Variants in TUSC3 observed in about 807,000 individuals in gnomAD.
TUSC3 encodes the protein dolichyl-diphosphooligosaccharide--protein glycosyltransferase subunit TUSC3.
In TUSC3, 45 loss-of-function variants were observed where a neutral mutation model predicts 44.8. That is an observed-to-expected ratio of 1.00 (90% CI 0.79 to 1.29). The LOEUF (loss-of-function observed/expected upper bound fraction) is 1.29, where lower values mean the gene tolerates loss of function less well. Among genes scored for constraint, TUSC3 ranks in the 50% most tolerant of loss-of-function variants. The pLI is 0.00. For missense variants in TUSC3, 519 were observed against 437.9 expected (o/e 1.19, Z -1.65); for synonymous variants, 212 against 152.9 (o/e 1.39, Z -2.85).
chr8:15,534,735 C>T (rs772665000), intron 2 of TUSC3, among the ~76,000 whole-genome samples: 1 of 151,684 alleles, frequency 6.6e-6, no homozygotes, highest in Non-Finnish European at 1.5e-5. Flanking sequence ...CCTCCAGAAT[C>T]ACAGCAGATT....
chr8:15,639,501 G>C, intron 2 of TUSC3, among the ~76,000 whole-genome samples: 1 of 152,220 alleles, frequency 6.6e-6, no homozygotes, highest in South Asian at 2.1e-4. Context: ...ATTTATATAG[G>C]TTATAACTGA....
intron 1 of TUSC3, among the ~76,000 whole-genome samples, chr8:15,426,300 A>G (rs1046259881): frequency 6.6e-6 from 1 of 152,184 alleles, no homozygotes; most frequent in African/African-American, 2.4e-5. Context: ...TTGAAGTCCA[A>G]AATACCATAT....
Position 15,555,276 on chromosome 8 carries a change from ATTTTTTTTTTT to A in TUSC3, c.138+14733_138+14743del, listed in dbSNP as rs35757466. 3.1e-3 allele frequency among the ~76,000 whole-genome samples: 138 copies of A among 44,890 alleles called. 1 individual carries two copies. Among genetic ancestry groups the A allele is most frequent in the Middle Eastern group, 0.022 (1 of 46 alleles). The allele number at this position is 44,890 out of a possible 152,430, so 29.4% of individuals were successfully genotyped here. On this transcript the variant is annotated intron_variant, in intron 1 of 10. Transcript: ENST00000503731. ...GTTCATGTGCCACCATGCCAGGCTA[ATTTTTTTTTTT>A]TTTTTTTTTTTTTTTTTTTTTTTTA... is the stretch of plus-strand genomic sequence containing the variant.
chr8:15,583,419 A>G (rs1428936532), intron 1 of TUSC3, among the ~76,000 whole-genome samples: 1 of 152,204 alleles, frequency 6.6e-6, no homozygotes, highest in Non-Finnish European at 1.5e-5. Flanking sequence ...ATCCTGCTAC[A>G]TGAGGATTAC....
intron 6 of TUSC3, among the ~76,000 whole-genome samples, chr8:15,707,702 T>C (rs748754941): frequency 6.6e-6 from 1 of 151,984 alleles, no homozygotes; most frequent in Non-Finnish European, 1.5e-5. Flanking sequence ...GATGTTTACA[T>C]TGAAGTGGGA....
At chr8:15,758,156 A>T in intron 10 of TUSC3, 1 of 1,100,838 alleles carries the variant, frequency 9.1e-7, no homozygotes, top group South Asian at 3.4e-5. Context: ...ACTTAGGGAA[A>T]AAAGGCAGTC....
chr8:15,480,519 A>C (rs1009015613), intron 1 of TUSC3, among the ~76,000 whole-genome samples: 1 of 152,224 alleles, frequency 6.6e-6, no homozygotes, highest in African/African-American at 2.4e-5. Flanking sequence ...TGTTAATAGC[A>C]GGAACTCTTG....
At chr8:15,694,404 C>T (rs2129191920) in intron 6 of TUSC3, among the ~76,000 whole-genome samples, 1 of 141,870 alleles carries the variant, frequency 7.0e-6, no homozygotes, top group African/African-American at 2.7e-5. Flanking sequence ...CCATTGCACT[C>T]CAGCGTGAGC....
the TUSC3 span, among the ~76,000 whole-genome samples, chr8:15,809,107 G>C: frequency 6.6e-6 from 1 of 152,170 alleles, no homozygotes; most frequent in Non-Finnish European, 1.5e-5. Flanking sequence ...TCATGCTAAA[G>C]TACCATCTTA....
At chr8:15,626,724 C>G (rs1267631431) in intron 2 of TUSC3, among the ~76,000 whole-genome samples, 1 of 152,220 alleles carries the variant, frequency 6.6e-6, no homozygotes, top group Non-Finnish European at 1.5e-5. Context: ...ACTGTTGGAG[C>G]TTGGCCAGGT....
chr8:15,736,419 G>A (rs977350251), intron 7 of TUSC3, among the ~76,000 whole-genome samples: 5 of 152,114 alleles, frequency 3.3e-5, no homozygotes, highest in African/African-American at 1.2e-4. Flanking sequence ...ATATAAAATT[G>A]TGTTTAAAAC....
chr8:15,426,625 C>T (rs1365534263), intron 1 of TUSC3, among the ~76,000 whole-genome samples: 1 of 152,078 alleles, frequency 6.6e-6, no homozygotes, highest in East Asian at 1.9e-4. Flanking sequence ...ATGTTATTTC[C>T]CCATTCTTCT....
intron 1 of TUSC3, among the ~76,000 whole-genome samples, chr8:15,420,848 A>G (rs912175464): frequency 6.6e-6 from 1 of 151,986 alleles, no homozygotes; most frequent in Non-Finnish European, 1.5e-5. Context: ...TCAGTCTTTT[A>G]TGTTGATTCG....
At chr8:15,507,327 T>C (rs1801070307) in intron 2 of TUSC3, among the ~76,000 whole-genome samples, 1 of 151,598 alleles carries the variant, frequency 6.6e-6, no homozygotes, top group Non-Finnish European at 1.5e-5. Context: ...AAGTTACTTA[T>C]TATTATTTTT....
chr8:15,684,757 G>A (rs1563171303), intron 6 of TUSC3, among the ~76,000 whole-genome samples: 2 of 152,158 alleles, frequency 1.3e-5, no homozygotes, highest in Non-Finnish European at 2.9e-5. Flanking sequence ...CCTGGGTGGT[G>A]TGGTCAAGTC....
the TUSC3 span, among the ~76,000 whole-genome samples, chr8:15,852,033 G>C: frequency 1.3e-5 from 2 of 152,080 alleles, no homozygotes; most frequent in African/African-American, 4.8e-5. Flanking sequence ...CCATGATTAT[G>C]AGGCCTCCCC....
intron 2 of TUSC3, among the ~76,000 whole-genome samples, chr8:15,626,317 C>G (rs570147926): frequency 2.0e-5 from 3 of 152,322 alleles, no homozygotes; most frequent in African/African-American, 7.2e-5. Context: ...GCCAAGTCAC[C>G]TGCTGGTGGG....
At chr8:15,471,599 G>A (rs1800495127) in intron 1 of TUSC3, among the ~76,000 whole-genome samples, 1 of 151,200 alleles carries the variant, frequency 6.6e-6, no homozygotes, top group South Asian at 2.1e-4. Context: ...ACTTATAACG[G>A]AAATTTCTTT....
At position 15,496,723 on chromosome 8, in the gene TUSC3, G is replaced by GAGT. The variant is rs541301904; in HGVS notation, n.189+13241_189+13243dup. Among the ~76,000 whole-genome samples the GAGT allele has an allele frequency of 2.0e-3, 297 of 152,210 alleles. 2 individuals carry two copies. Among genetic ancestry groups the GAGT allele is most frequent in the Middle Eastern group, 0.014 (4 of 294 alleles). ...GCATCTACATCACCTCTAAGCAAAG[G>GAGT]AGTGTGGGTCATTTTAACAGGGAGA... On this transcript the variant is annotated intron_variant and non_coding_transcript_variant, in intron 2 of 5. Coordinates refer to the TUSC3 transcript ENST00000503191.
Sources: gnomAD v4.1 joint callset for allele counts (sites outside exome capture counted in the v4.1 genomes callset) on GRCh38, gnomAD v4.1.1 for gene constraint, MANE v1.5 for transcripts, NCBI Gene and HGNC (gene_info 2026-07-23, HGNC 2026-07-21) for gene names.